CMIP: variants seen among roughly 807,000 people sequenced by gnomAD.
CMIP encodes the protein C-Maf-inducing protein.
A neutral mutation model predicts 97.3 loss-of-function variants in CMIP; 13 were observed. That is an observed-to-expected ratio of 0.13 (90% CI 0.09 to 0.21). The LOEUF (loss-of-function observed/expected upper bound fraction) is 0.21, where lower values mean the gene tolerates loss of function less well. Among genes scored for constraint, CMIP ranks in the 10% least tolerant of loss-of-function variants. The pLI is 1.00. For synonymous variants in CMIP, 538 were observed against 436.3 expected (o/e 1.23, Z -2.91); for missense variants, 847 against 1,024.9 (o/e 0.83, Z 2.37).
intron 10 of CMIP, among the ~76,000 whole-genome samples, chr16:81,688,259 G>T (rs769337087): frequency 1.2e-4 from 18 of 152,206 alleles, no homozygotes; most frequent in Non-Finnish European, 1.6e-4. Flanking sequence ...ACACAGGAAG[G>T]AGGCTCTTTC....
chr16:81,582,269 A>C (rs138010141), intron 1 of CMIP, among the ~76,000 whole-genome samples: 2 of 152,124 alleles, frequency 1.3e-5, no homozygotes, highest in Non-Finnish European at 2.9e-5. Context: ...CTCTTCCCCA[A>C]ATGTTCAGCC....
chr16:81,605,812 A>C (rs1040968737), intron 1 of CMIP, among the ~76,000 whole-genome samples: 1 of 152,180 alleles, frequency 6.6e-6, no homozygotes, highest in African/African-American at 2.4e-5. Context: ...TTGCCCACTA[A>C]GCTCCTGTCT....
At chr16:81,486,227 G>C (rs868059916) in intron 1 of CMIP, among the ~76,000 whole-genome samples, 1 of 152,218 alleles carries the variant, frequency 6.6e-6, no homozygotes, top group South Asian at 2.1e-4. Flanking sequence ...GAGATATTCA[G>C]GTTCCCAAGA....
intron 10 of CMIP, among the ~76,000 whole-genome samples, chr16:81,687,925 G>A (rs1905594240): frequency 1.3e-5 from 2 of 152,242 alleles, no homozygotes; most frequent in South Asian, 4.1e-4. Context: ...TTGCCATACT[G>A]CTCCTTGTCC....
intron 1 of CMIP, among the ~76,000 whole-genome samples, chr16:81,532,722 G>A (rs2090263415): frequency 6.6e-6 from 1 of 152,214 alleles, no homozygotes; most frequent in South Asian, 2.1e-4. Context: ...ACATCAGAGT[G>A]TTGGGATGTG....
chr16:81,560,344 C>G (rs13334258), intron 1 of CMIP, among the ~76,000 whole-genome samples: 43,868 of 150,760 alleles, frequency 0.29, 6,751 homozygotes, highest in African/African-American at 0.38. Flanking sequence ...TCAGCCTCCC[C>G]AGTAGCTGGG....
rs1170858451 is a variant in CMIP, at chr16:81,688,121, G to A, written c.1389-3654G>A. Among the ~76,000 whole-genome samples, 5 of 152,212 alleles carry A rather than the reference G, an allele frequency of 3.3e-5. No individual in the cohort carries two copies. The East Asian group carries it at 9.6e-4, about 29-fold the overall frequency. On this transcript the variant is annotated intron_variant, in intron 10 of 20. Transcript: ENST00000537098. Reference sequence around the variant, plus strand: ...AGGGTCGGATGGGGGTGACACCCTGGTGCCTGGCTTCACCACACACCATGG... The same window carrying A: ...AGGGTCGGATGGGGGTGACACCCTGATGCCTGGCTTCACCACACACCATGG...
chr16:81,498,736 G>A (rs1028013629), intron 1 of CMIP, among the ~76,000 whole-genome samples: 1 of 152,164 alleles, frequency 6.6e-6, no homozygotes, highest in African/African-American at 2.4e-5. Context: ...CAGGCGTCAT[G>A]TATACACACA....
chr16:81,490,160 T>G (rs2089383159), intron 1 of CMIP, among the ~76,000 whole-genome samples: 1 of 152,188 alleles, frequency 6.6e-6, no homozygotes, highest in Non-Finnish European at 1.5e-5. Flanking sequence ...AGGTTCCTGT[T>G]CCTCTCTGAC....
intron 1 of CMIP, among the ~76,000 whole-genome samples, chr16:81,476,831 C>A (rs1907953193): frequency 6.6e-6 from 1 of 152,120 alleles, no homozygotes; most frequent in African/African-American, 2.4e-5. Context: ...TGTTTCTTCT[C>A]CCTCCCACCC....
intron 10 of CMIP, among the ~76,000 whole-genome samples, chr16:81,687,844 G>A (rs1485035088): frequency 1.3e-5 from 2 of 152,194 alleles, no homozygotes; most frequent in East Asian, 3.9e-4. Context: ...TGGGCCTCAG[G>A]AAACTCCCGA....
At chr16:81,668,971 T>TCACGG (rs1460544131) in intron 7 of CMIP, among the ~76,000 whole-genome samples, 1 of 82,076 alleles carries the variant, frequency 1.2e-5, no homozygotes, top group Admixed American at 1.2e-4. Flanking sequence ...CACCTCACAC[T>TCACGG]CCTTCCACAC....
At chr16:81,542,391 G>C (rs144769891) in intron 1 of CMIP, among the ~76,000 whole-genome samples, 1 of 152,188 alleles carries the variant, frequency 6.6e-6, no homozygotes, top group Admixed American at 6.5e-5. Flanking sequence ...GTGAGGCACC[G>C]AGGGTGGGAG....
chr16:81,679,516 G>A (rs80196118), intron 10 of CMIP, among the ~76,000 whole-genome samples: 20,261 of 152,016 alleles, frequency 0.13, 1,748 homozygotes, highest in African/African-American at 0.23. Flanking sequence ...AGTGAGTGAC[G>A]GGTCATGTGC....
At chr16:81,449,679 C>G (rs866412420) in intron 1 of CMIP, among the ~76,000 whole-genome samples, 2 of 151,398 alleles carry the variant, frequency 1.3e-5, no homozygotes, top group Non-Finnish European at 2.9e-5. Flanking sequence ...TCCCCCCCCC[C>G]CTTTCCATGC....
At chr16:81,571,420 A>G (rs1198710950) in intron 1 of CMIP, among the ~76,000 whole-genome samples, 1 of 151,992 alleles carries the variant, frequency 6.6e-6, no homozygotes, top group Non-Finnish European at 1.5e-5. Context: ...GCGAGCAGGG[A>G]TCACGTCACT....
chr16:81,495,420 G>C, intron 1 of CMIP: 1 of 1,598,122 alleles, frequency 6.3e-7, no homozygotes, highest in African/African-American at 1.3e-5. Context: ...CCGGGCTGCC[G>C]CTCTGTTTCC....
chr16:81,561,833 A>C (rs538162868), intron 1 of CMIP, among the ~76,000 whole-genome samples: 5 of 152,344 alleles, frequency 3.3e-5, no homozygotes, highest in Non-Finnish European at 7.3e-5. Flanking sequence ...CAGTAGGTAC[A>C]TTTCAGATGC....
chr16:81,670,012 T>C, intron 7 of CMIP, 130 bp from the exon 8 acceptor site: 1 of 779,368 alleles, frequency 1.3e-6, no homozygotes, highest in Non-Finnish European at 2.0e-6. Flanking sequence ...GGTTGGTGTC[T>C]CCCCATTGCC....
Sources: allele counts gnomAD v4.1 joint callset (sites outside exome capture counted in the v4.1 genomes callset), GRCh38; gene constraint gnomAD v4.1.1; transcripts MANE v1.5; gene names NCBI Gene and HGNC (gene_info 2026-07-23, HGNC 2026-07-21).